CHD5: variants seen among roughly 807,000 people sequenced by gnomAD.
CHD5 encodes chromodomain helicase DNA binding protein 5, also known as ATP-dependent chromatin remodeler CHD5.
Under a neutral mutation model 230.3 loss-of-function variants are expected in CHD5, and 69 were observed. That is an observed-to-expected ratio of 0.30 (90% CI 0.25 to 0.37). CHD5 has a LOEUF of 0.37. Among genes scored for constraint, CHD5 ranks in the 10% least tolerant of loss-of-function variants. The probability of loss-of-function intolerance (pLI) is 1.00; values close to 1 mark genes in which losing one functional copy is unlikely to be tolerated. For synonymous variants in CHD5, 1,064 were observed against 1,065.9 expected (o/e 1.00, Z 0.03); for missense variants, 1,827 against 2,622.8 (o/e 0.70, Z 6.63).
chr1:6,132,318 C>A (rs1389889768), intron 20 of CHD5, among the ~76,000 whole-genome samples: 1 of 152,202 alleles, frequency 6.6e-6, no homozygotes, highest in Non-Finnish European at 1.5e-5. Flanking sequence ...GAGATTTTGC[C>A]ATGGTCTCTG....
At chr1:6,110,895 G>A (rs1461302535) in intron 36 of CHD5, among the ~76,000 whole-genome samples, 1 of 152,310 alleles carries the variant, frequency 6.6e-6, no homozygotes, top group East Asian at 1.9e-4. Flanking sequence ...TGCTGGACTA[G>A]GGTGGGCCCT....
intron 15 of CHD5, among the ~76,000 whole-genome samples, chr1:6,137,500 G>A (rs572137477): frequency 6.6e-6 from 1 of 152,084 alleles, no homozygotes; most frequent in East Asian, 1.9e-4. Flanking sequence ...CTCCCCCCAG[G>A]GTTATGTTTG....
rs759449371 is a variant in CHD5, at chr1:6,126,655, T to C, written c.3995A>G (p.Gln1332Arg). The C allele has an allele frequency of 6.2e-7, 1 of 1,614,068 alleles. No homozygotes were observed. Among genetic ancestry groups the C allele is most frequent in the Non-Finnish European group, 8.5e-7 (1 of 1,180,006 alleles). The change falls in exon 26 of 42, where the codon CAG (glutamine) becomes CGG (arginine). Residue 1332 changes from glutamine to arginine, a missense_variant. Physicochemically the swap from Gln to Arg is conservative, Grantham distance 43. Coordinates refer to ENST00000262450, the MANE Select transcript of CHD5 (RefSeq NM_015557.3). This position sits in a 1 kb window ranked among gnomAD's most constrained non-coding sequence, Gnocchi z 5.7. ...GCCCAGGTTGCGGGCCAGGTCCTCC[T>C]GCTGCTGCTCATAGTGGTGCCGCAG... The part of the protein sequence containing the change: ...KLLRHHYEQQ[Q>R]EDLARNLGKG...
chr1:6,150,433 G>C (rs1231304150), intron 7 of CHD5, among the ~76,000 whole-genome samples: 15 of 130,522 alleles, frequency 1.1e-4, no homozygotes, highest in Admixed American at 1.1e-3. Flanking sequence ...TGGATGATAG[G>C]ATGGATGGAT....
intron 7 of CHD5, among the ~76,000 whole-genome samples, chr1:6,149,794 AATGG>A (rs1349184661): frequency 6.8e-6 from 1 of 146,756 alleles, no homozygotes; most frequent in African/African-American, 2.6e-5. Flanking sequence ...TGGATGGACA[AATGG>A]ATGGATGGAT....
In CHD5 at chr1:6,152,555, G is replaced by T; in HGVS notation, c.746-19C>A. On this transcript the variant is annotated intron_variant, in intron 5 of 41. Transcript: ENST00000262450. ...CCAGGCCCTGAAAAACAGCAGTGAT[G>T]ATAGCCAACCACTGCCACCACTGAC... is the stretch of plus-strand genomic sequence containing the variant. The T allele has an allele frequency of 6.2e-7, 1 of 1,613,460 alleles. No homozygotes were observed. The highest frequency in any genetic ancestry group is 8.5e-7 in the Non-Finnish European group (1 of 1,179,794).
intron 1 of CHD5, among the ~76,000 whole-genome samples, chr1:6,169,496 G>A (rs1557563746): frequency 6.6e-6 from 1 of 152,240 alleles, no homozygotes; most frequent in African/African-American, 2.4e-5. Flanking sequence ...ACATGTCCTG[G>A]GGGGTGTGAC....
chr1:6,111,234 AAAAAAG>A (rs1171518199), intron 36 of CHD5, among the ~76,000 whole-genome samples: 14 of 144,744 alleles, frequency 9.7e-5, no homozygotes, highest in African/African-American at 3.2e-4. Flanking sequence ...CATCTCAAAA[AAAAAAG>A]AAAAAGAAAA....
chr1:6,153,104 G>T lies in CHD5; in HGVS notation c.746-568C>A, dbSNP rs537763385. On this transcript the variant is annotated intron_variant, in intron 5 of 41. Coordinates refer to ENST00000262450, the MANE Select transcript of CHD5 (RefSeq NM_015557.3). ...GGGAGTAATGACCCAAGAAGGAAGG[G>T]GGGCCTGGAGGCAGGGATGCACACC... Among the ~76,000 whole-genome samples, 117 of 152,308 alleles carry T rather than the reference G, an allele frequency of 7.7e-4. 4 individuals carry two copies. The South Asian group carries it at 0.024, about 31-fold the overall frequency.
In CHD5 at chr1:6,125,633, G is replaced by T. The variant is rs1666543631; in HGVS notation, c.4172-21C>A. 6.2e-7 allele frequency: 1 copy of T among 1,613,078 alleles called. No individual in the cohort carries two copies. On this transcript the variant is annotated intron_variant, in intron 27 of 41. Coordinates refer to ENST00000262450, the MANE Select transcript of CHD5 (RefSeq NM_015557.3). The surrounding 1 kb of genome is among the most constrained non-coding windows in gnomAD (Gnocchi z 6.7). ...TCCACCTGGGGAGCAGCCCGCCACA[G>T]TTCCTCAGGTGGGAGCCCAGAGATT...
rs758638732 is a variant in CHD5, at chr1:6,135,331, C to A, written c.2769G>T (p.Leu923=). The A allele has an allele frequency of 5.6e-6, 9 of 1,614,148 alleles. 1 individual carries two copies. In the South Asian group the frequency reaches 7.7e-5, roughly 14 times the overall value. ...KEDQIKKLHD[L]LGPHMLRRLK... is the part of the protein sequence containing the mutation. ...GCCGCCTGAGCATGTGCGGCCCCAGCAGGTCATGCAGCTTCTTGATCTGGT... is the reference window on the plus strand; with the variant it reads ...GCCGCCTGAGCATGTGCGGCCCCAGAAGGTCATGCAGCTTCTTGATCTGGT... The change falls in exon 18 of 42, where the codon CTG becomes CTT. Residue 923 remains leucine, a synonymous_variant. Transcript: ENST00000262450.
rs1666270507 is a variant in CHD5 at position 6,110,532 on chromosome 1, T to A, written c.5250-6A>T. ...GCCAGCGGGCGTAGCCGTGCCTGGG[T>A]GGGGCACCATTAAGGGCAAACCTGG... On this transcript the variant is annotated splice_polypyrimidine_tract_variant and splice_region_variant and intron_variant, in intron 36 of 41. Coordinates refer to ENST00000262450, the MANE Select transcript of CHD5 (RefSeq NM_015557.3). 1.3e-6 allele frequency: 2 copies of A among 1,559,522 alleles called. No homozygotes were observed. Among genetic ancestry groups the A allele is most frequent in the Non-Finnish European group, 1.7e-6 (2 of 1,152,868 alleles).
At chr1:6,124,244 C>A in intron 30 of CHD5, 137 bp from the exon 31 acceptor site, 1 of 853,614 alleles carries the variant, frequency 1.2e-6, no homozygotes. Flanking sequence ...CCAAGGCTGG[C>A]CAAGCCAGGC....
intron 16 of CHD5, 27 bp downstream of exon 16, chr1:6,136,701 T>C: frequency 6.2e-7 from 1 of 1,611,004 alleles, no homozygotes; most frequent in Non-Finnish European, 8.5e-7. Context: ...CGGGAAGCTC[T>C]GGGGTCTGGC....
In CHD5 at chr1:6,131,392, G is replaced by A. The variant is rs779439874; in HGVS notation, c.3262+239C>T. On this transcript the variant is annotated intron_variant, in intron 21 of 41. Transcript: ENST00000262450. This position sits in a 1 kb window ranked among gnomAD's most constrained non-coding sequence, Gnocchi z 5.0. Reference sequence around the variant, plus strand: ...ACCTGGCGTCAATATTAGAGGCCCCGTCTGCGTTTCTCATTGTCTAACTCC... The same window carrying A: ...ACCTGGCGTCAATATTAGAGGCCCCATCTGCGTTTCTCATTGTCTAACTCC... Among the ~76,000 whole-genome samples, 20 of 152,198 alleles carry A rather than the reference G, an allele frequency of 1.3e-4. No homozygotes were observed. The highest frequency in any genetic ancestry group is 2.1e-4 in the South Asian group (1 of 4,828).
intron 33 of CHD5, among the ~76,000 whole-genome samples, chr1:6,117,201 A>G (rs1666391408): frequency 6.6e-6 from 1 of 152,242 alleles, no homozygotes; most frequent in Non-Finnish European, 1.5e-5. Flanking sequence ...ATAAGATAAC[A>G]GAATTCCATC....
Position 6,131,942 on chromosome 1 carries a change from T to C in CHD5, c.3145-194A>G, listed in dbSNP as rs553738915. Among the ~76,000 whole-genome samples the C allele has an allele frequency of 4.6e-5, 7 of 152,188 alleles. No individual in the cohort carries two copies. Among genetic ancestry groups the C allele is most frequent in the African/African-American group, 1.7e-4 (7 of 41,514 alleles). On this transcript the variant is annotated intron_variant, in intron 20 of 41. Coordinates refer to ENST00000262450, the MANE Select transcript of CHD5 (RefSeq NM_015557.3). The surrounding 1 kb of genome is among the most constrained non-coding windows in gnomAD (Gnocchi z 5.0). ...AACCTCACCCCTTGGAGCCAATCCA[T>C]CCTCCTGCCTAGCCCCACAGCCACT... is the stretch of plus-strand genomic sequence containing the variant.
intron 38 of CHD5, among the ~76,000 whole-genome samples, chr1:6,109,388 C>A (rs1373304673): frequency 6.6e-6 from 1 of 152,222 alleles, no homozygotes; most frequent in African/African-American, 2.4e-5. Flanking sequence ...AGCTCTGAAT[C>A]CTGGGAGATC....
At chr1:6,137,709 G>A (rs1666766786) in intron 15 of CHD5, among the ~76,000 whole-genome samples, 1 of 152,250 alleles carries the variant, frequency 6.6e-6, no homozygotes, top group South Asian at 2.1e-4. Flanking sequence ...AAATGGCATA[G>A]CCAGGATATG....
Sources: allele counts gnomAD v4.1 joint callset (sites outside exome capture counted in the v4.1 genomes callset), GRCh38; gene constraint gnomAD v4.1.1; non-coding constraint Gnocchi (gnomAD v3.1); transcripts MANE v1.5; gene names NCBI Gene and HGNC (gene_info 2026-07-23, HGNC 2026-07-21).